The following MAP3K4 variants were observed in gnomAD, a reference collection of about 807,000 sequenced individuals.
MAP3K4 encodes the protein MAP three kinase 1.
Under a neutral mutation model 185.6 loss-of-function variants are expected in MAP3K4, and 67 were observed. The ratio of observed to expected loss-of-function variants is 0.36; its 90% CI spans 0.30 to 0.44. The LOEUF (loss-of-function observed/expected upper bound fraction) is 0.44. Ranked by LOEUF, MAP3K4 falls within the 20% of genes least tolerant of loss-of-function variation. The pLI is 1.00. For missense variants in MAP3K4, 1,551 were observed against 1,995.1 expected, an observed-to-expected ratio of 0.78 and a Z score of 4.24; for synonymous variants, 702 against 710.4, an observed-to-expected ratio of 0.99 and a Z score of 0.19.
In MAP3K4 at chr6:161,071,004, T is replaced by C. The variant is rs112266338; in HGVS notation, c.1950+154T>C. Among the ~76,000 whole-genome samples the C allele has an allele frequency of 1.3e-5, 2 of 152,294 alleles. No homozygotes were observed. Among genetic ancestry groups the C allele is most frequent in the African/African-American group, 4.8e-5 (2 of 41,562 alleles). On this transcript the variant is annotated intron_variant, in intron 4 of 26. Transcript: ENST00000392142. The surrounding 1 kb of genome is among the most constrained non-coding windows in gnomAD (Gnocchi z 4.6). ...TGGTTTTAAGCTGTATATTTTAGGG[T>C]AATTAAAAATGTTCTTTATATGCGG...
chr6:161,039,503 A>G (rs1168821951), intron 2 of MAP3K4, among the ~76,000 whole-genome samples: 1 of 152,168 alleles, frequency 6.6e-6, no homozygotes. Flanking sequence ...TGTTTTTTAT[A>G]ATTGTAAATT....
intron 1 of MAP3K4, among the ~76,000 whole-genome samples, chr6:161,013,607 A>G (rs761184012): frequency 2.6e-5 from 4 of 152,216 alleles, no homozygotes; most frequent in Non-Finnish European, 5.9e-5. Flanking sequence ...TGCCCAGGAA[A>G]GAATTCAGGG....
Position 161,030,705 on chromosome 6 carries a change from G to A in MAP3K4, c.153-3554G>A, listed in dbSNP as rs1782887478. Among the ~76,000 whole-genome samples the A allele has an allele frequency of 3.3e-5, 5 of 152,266 alleles. No homozygotes were observed. The South Asian group carries it at 1.0e-3, about 32-fold the overall frequency. On this transcript the variant is annotated intron_variant, in intron 1 of 26. Transcript: ENST00000392142. ...GCTGGGATTACAGACATGAGCCATTGCACTTGGCTGGTAATTTTTTGATAG... is the reference window on the plus strand; with the variant it reads ...GCTGGGATTACAGACATGAGCCATTACACTTGGCTGGTAATTTTTTGATAG...
chr6:161,028,298 T>C (rs1782767269), intron 1 of MAP3K4, among the ~76,000 whole-genome samples: 1 of 132,028 alleles, frequency 7.6e-6, no homozygotes, highest in Non-Finnish European at 1.7e-5. Context: ...ACTTCTAAAT[T>C]AAAGTGTTTA....
rs1778496394 is a variant in MAP3K4, at chr6:161,114,249, A to G, written c.4627-874A>G. ...GCTTCTGAAAATGTATCTTATGATG[A>G]TAATATTAATGAGCAGTTATACAAA... On this transcript the variant is annotated intron_variant, in intron 25 of 26. Transcript: ENST00000392142. The surrounding 1 kb of genome is among the most constrained non-coding windows in gnomAD (Gnocchi z 4.3). Among the ~76,000 whole-genome samples the G allele has an allele frequency of 6.6e-6, 1 of 152,220 alleles. No individual in the cohort carries two copies. Among genetic ancestry groups the G allele is most frequent in the African/African-American group, 2.4e-5 (1 of 41,446 alleles).
intron 1 of MAP3K4, among the ~76,000 whole-genome samples, chr6:161,009,083 C>G (rs1180586471): frequency 6.6e-6 from 1 of 151,050 alleles, no homozygotes; most frequent in Non-Finnish European, 1.5e-5. Context: ...CTTGCAGGTT[C>G]AAGAGATTCT....
chr6:161,060,669 G>C (rs1226477338), intron 3 of MAP3K4, among the ~76,000 whole-genome samples: 3 of 145,950 alleles, frequency 2.1e-5, no homozygotes, highest in African/African-American at 7.7e-5. Context: ...GCCCAGGCTA[G>C]AGTGCAGTGG....
chr6:161,085,587 T>C (rs1409343611), intron 7 of MAP3K4, among the ~76,000 whole-genome samples: 2 of 152,240 alleles, frequency 1.3e-5, no homozygotes, highest in Non-Finnish European at 2.9e-5. Context: ...AAACACATTT[T>C]GAGTTTCAGA....
At chr6:160,994,313 T>C (rs73022066) in intron 1 of MAP3K4, among the ~76,000 whole-genome samples, 5,359 of 152,194 alleles carry the variant, frequency 0.035, 241 homozygotes, top group African/African-American at 0.1. Flanking sequence ...CCCCCGAGTC[T>C]TCAAAGTCCA....
chr6:161,097,810 G>T lies in MAP3K4; in HGVS notation c.3525-468G>T, dbSNP rs552283175. On this transcript the variant is annotated intron_variant, in intron 16 of 26. Transcript: ENST00000392142. This position sits in a 1 kb window ranked among gnomAD's most constrained non-coding sequence, Gnocchi z 4.9. ...TTTTTTTAAAGCTTTGAGGGGACCG[G>T]GGTGCGGTGACTCACGCCTGTAATT... Among the ~76,000 whole-genome samples, 2 of 152,188 alleles carry T rather than the reference G, an allele frequency of 1.3e-5. No homozygotes were observed. Among genetic ancestry groups the T allele is most frequent in the East Asian group, 3.9e-4 (2 of 5,180 alleles).
At position 161,097,181 on chromosome 6, in the gene MAP3K4, T is replaced by G. The variant is rs1204450291; in HGVS notation, c.3524+5T>G. 6.2e-7 allele frequency: 1 copy of G among 1,613,210 alleles called. No homozygotes were observed. The highest frequency in any genetic ancestry group is 8.5e-7 in the Non-Finnish European group (1 of 1,179,180). On this transcript the variant is annotated splice_donor_5th_base_variant and intron_variant, in intron 16 of 26. Coordinates refer to ENST00000392142, the MANE Select transcript of MAP3K4 (RefSeq NM_005922.4). This position sits in a 1 kb window ranked among gnomAD's most constrained non-coding sequence, Gnocchi z 4.9. ...CCCCACTCCAGAGGGATTCAGGTAT[T>G]TGGTGCTTATCTAGTCATTTGCTTT...
At chr6:161,057,200 T>C (rs75308482) in intron 3 of MAP3K4, among the ~76,000 whole-genome samples, 5,823 of 152,310 alleles carry the variant, frequency 0.038, 150 homozygotes, top group South Asian at 0.072. Context: ...ATAGTTGTGC[T>C]AATTTTTTCC....
At chr6:161,089,256 G>C in intron 10 of MAP3K4, 66 bp from the exon 11 acceptor site, 1 of 1,544,352 alleles carries the variant, frequency 6.5e-7, no homozygotes, top group East Asian at 2.3e-5. Context: ...TTGGACTGGT[G>C]TTGAACTAGA....
At chr6:161,038,795 AT>A (rs796948115) in intron 2 of MAP3K4, among the ~76,000 whole-genome samples, 3 of 151,826 alleles carry the variant, frequency 2.0e-5, no homozygotes, top group South Asian at 4.2e-4. Context: ...CTGAGCCCTC[AT>A]TTTTTTTGTC....
intron 1 of MAP3K4, among the ~76,000 whole-genome samples, chr6:161,031,613 TCTC>T (rs763687292): frequency 3.3e-4 from 50 of 152,192 alleles, no homozygotes; most frequent in Admixed American, 1.2e-3. Flanking sequence ...TCACAACAAT[TCTC>T]CTCCACTTTC....
At position 161,100,539 on chromosome 6, in the gene MAP3K4, A is replaced by G. The variant is rs1777793032; in HGVS notation, c.3675-1353A>G. 6.6e-6 allele frequency among the ~76,000 whole-genome samples: 1 copy of G among 152,154 alleles called. No homozygotes were observed. Among genetic ancestry groups the G allele is most frequent in the Non-Finnish European group, 1.5e-5 (1 of 68,034 alleles). ...TGCTGGCTCTCAAGAGCTGATGGCG[A>G]ATGTTTGAGAAATTTTGCAAGTTGT... On this transcript the variant is annotated intron_variant, in intron 17 of 26. Coordinates refer to ENST00000392142, the MANE Select transcript of MAP3K4 (RefSeq NM_005922.4). This position sits in a 1 kb window ranked among gnomAD's most constrained non-coding sequence, Gnocchi z 5.8.
At chr6:161,078,944 T>C (rs1295288208) in intron 5 of MAP3K4, among the ~76,000 whole-genome samples, 1 of 152,182 alleles carries the variant, frequency 6.6e-6, no homozygotes, top group African/African-American at 2.4e-5. Context: ...CCGGGTGCGG[T>C]GGCTCTCGAC....
rs9458114 is a variant in MAP3K4 at position 161,077,440 on chromosome 6, G to C, written c.2098-3441G>C. Among the ~76,000 whole-genome samples the C allele has an allele frequency of 0.11, 17,224 of 152,174 alleles. 1,266 individuals are homozygous for C. Among genetic ancestry groups the C allele is most frequent in the East Asian group, 0.25 (1,311 of 5,166 alleles). On this transcript the variant is annotated intron_variant, in intron 5 of 26. Transcript: ENST00000392142. This position sits in a 1 kb window ranked among gnomAD's most constrained non-coding sequence, Gnocchi z 4.3. ...GCCTCTTTGCTTTTTAACTTATAAA[G>C]AGAGGGATCAAGAGAAGCCCCTTTT...
Position 161,034,190 on chromosome 6 carries a change from A to C in MAP3K4, c.153-69A>C, listed in dbSNP as rs1216148786. 1.6e-6 allele frequency: 2 copies of C among 1,243,872 alleles called. No homozygotes were observed. Among genetic ancestry groups the C allele is most frequent in the Admixed American group, 2.3e-5 (1 of 43,870 alleles). 77.1% of individuals were successfully genotyped at this position (1,243,872 alleles called of 1,614,324 possible). A position where few individuals can be genotyped will look rare whatever the true frequency, so the allele number is the denominator to read the frequency against. On this transcript the variant is annotated intron_variant, in intron 1 of 26. Transcript: ENST00000392142. This position sits in a 1 kb window ranked among gnomAD's most constrained non-coding sequence, Gnocchi z 4.4. ...AAGTTTTACAAAGAATTATTTAAAA[A>C]ATTATAAGTAAATTTGAATTCACTT...
Sources: gnomAD v4.1 joint callset for allele counts (sites outside exome capture counted in the v4.1 genomes callset) on GRCh38, gnomAD v4.1.1 for gene constraint, Gnocchi (gnomAD v3.1) non-coding constraint, MANE v1.5 for transcripts, NCBI Gene and HGNC (gene_info 2026-07-23, HGNC 2026-07-21) for gene names.